CD300LF: variants seen among roughly 807,000 people sequenced by gnomAD.
CD300LF encodes the protein CMRF35-like molecule 1.
Under a neutral mutation model 32.2 loss-of-function variants are expected in CD300LF, and 27 were observed. The observed-to-expected ratio is 0.84, with a 90% CI of 0.62 to 1.15. The LOEUF (loss-of-function observed/expected upper bound fraction) is 1.15. Among genes scored for constraint, CD300LF ranks in the 50% most tolerant of loss-of-function variants. The probability of loss-of-function intolerance (pLI) is 0.00; values close to 1 mark genes in which losing one functional copy is unlikely to be tolerated. For missense variants in CD300LF, 348 were observed against 356.8 expected (o/e 0.98, Z 0.20); for synonymous variants, 139 against 143.2 (o/e 0.97, Z 0.21).
rs1168007099 is a variant in CD300LF, at chr17:74,700,466, C to T, written c.447-1985G>A. ...TTTGCTCAAGAATCACTCGACTGAGCGCGGTGGCTTACACCTGTAATCCCA... is the reference window on the plus strand; with the variant it reads ...TTTGCTCAAGAATCACTCGACTGAGTGCGGTGGCTTACACCTGTAATCCCA... On this transcript the variant is annotated intron_variant, in intron 3 of 6. Transcript: ENST00000326165. Among the ~76,000 whole-genome samples the T allele has an allele frequency of 2.0e-5, 3 of 152,146 alleles. No homozygotes were observed. The South Asian group carries it at 6.2e-4, about 32-fold the overall frequency.
chr17:74,712,812 A>T lies in CD300LF; in HGVS notation c.43+12T>A, dbSNP rs367985874. 6.2e-7 allele frequency: 1 copy of T among 1,613,926 alleles called. No individual in the cohort carries two copies. The highest frequency in any genetic ancestry group is 1.3e-5 in the African/African-American group (1 of 74,994). On this transcript the variant is annotated intron_variant, in intron 1 of 6. Coordinates refer to ENST00000326165, the MANE Select transcript of CD300LF (RefSeq NM_139018.5). ...TAAGCTTCCCCAAGAAGACAGACCC[A>T]GGCCCGCTCACCTGAGAGCCAGAAG...
chr17:74,706,641 C>T (rs758822967), intron 1 of CD300LF, among the ~76,000 whole-genome samples: 9 of 152,118 alleles, frequency 5.9e-5, no homozygotes, highest in Non-Finnish European at 1.5e-5. Flanking sequence ...GCACTCCAGC[C>T]TGGGCAACAA....
rs1019525502 is a variant in CD300LF at position 74,698,922 on chromosome 17, G to T, written c.447-441C>A. Reference sequence around the variant, plus strand: ...AAGATAGTTGTTTTTGGTTTTCTTTGTTTTTCATTTTTTTGACACAGAGTC... The same window carrying T: ...AAGATAGTTGTTTTTGGTTTTCTTTTTTTTTCATTTTTTTGACACAGAGTC... On this transcript the variant is annotated intron_variant, in intron 3 of 6. Transcript: ENST00000326165. Among the ~76,000 whole-genome samples, 6 of 152,152 alleles carry T rather than the reference G, an allele frequency of 3.9e-5. No homozygotes were observed. In the East Asian group the frequency reaches 1.2e-3, roughly 29 times the overall value.
chr17:74,708,147 CAAA>C (rs373733638), intron 1 of CD300LF, among the ~76,000 whole-genome samples: 20 of 81,294 alleles, frequency 2.5e-4, no homozygotes, highest in Middle Eastern at 5.3e-3. Flanking sequence ...GACTCCATCT[CAAA>C]AAAAAAAAAA....
chr17:74,696,108 A>G (rs557720524), intron 5 of CD300LF, 87 bp downstream of exon 5: 2 of 1,504,558 alleles, frequency 1.3e-6, no homozygotes, highest in South Asian at 2.6e-5. Context: ...GACTTCTCTG[A>G]TATTTTGGAC....
At chr17:74,695,382 T>TC (rs766660500) in intron 6 of CD300LF, 131 bp from the exon 7 acceptor site, 14 of 1,114,736 alleles carry the variant, frequency 1.3e-5, no homozygotes, top group Non-Finnish European at 1.8e-5. Context: ...CCCTCCAGCT[T>TC]CCCCCTTCAC....
At chr17:74,695,382 T>C in intron 6 of CD300LF, 131 bp from the exon 7 acceptor site, 1 of 1,114,738 alleles carries the variant, frequency 9.0e-7, no homozygotes, top group Non-Finnish European at 1.3e-6. Flanking sequence ...CCCTCCAGCT[T>C]CCCCCTTCAC....
rs1488364537 is a variant in CD300LF at position 74,695,188 on chromosome 17, G to T, written c.781C>A (p.Pro261Thr). ...AGGTGGCCCATGTTGCAGTAGGTCG[G>T]TTCCTGATCCTCAGCACCCAAGGTC... ...SLTLGAEDQE[P>T]TYCNMGHLSS... Residue 261 changes from proline to threonine, a missense_variant, in exon 7 of 7, where the codon CCG (proline) becomes ACG (threonine). Physicochemically the swap from Pro to Thr is conservative, Grantham distance 38. Coordinates refer to ENST00000326165, the MANE Select transcript of CD300LF (RefSeq NM_139018.5). 1 of 1,614,164 alleles carries T rather than the reference G, an allele frequency of 6.2e-7. No individual in the cohort carries two copies. The highest frequency in any genetic ancestry group is 1.7e-5 in the Admixed American group (1 of 60,010).
intron 1 of CD300LF, 111 bp downstream of exon 1, chr17:74,712,713 C>G: frequency 9.0e-7 from 1 of 1,112,542 alleles, no homozygotes. Flanking sequence ...ATGAAACGCA[C>G]AAGGCTCATG....
chr17:74,708,665 C>T (rs2033707412), intron 1 of CD300LF, among the ~76,000 whole-genome samples: 1 of 152,100 alleles, frequency 6.6e-6, no homozygotes, highest in Non-Finnish European at 1.5e-5. Context: ...ACCGGTAATC[C>T]CAGCATTTTG....
chr17:74,706,455 G>A (rs192371553), intron 1 of CD300LF, among the ~76,000 whole-genome samples: 1 of 151,132 alleles, frequency 6.6e-6, no homozygotes. Flanking sequence ...CCAACATGAG[G>A]TTGGGAGTTC....
chr17:74,698,854 T>G (rs1215507417), intron 3 of CD300LF, among the ~76,000 whole-genome samples: 1 of 152,208 alleles, frequency 6.6e-6, no homozygotes, highest in Non-Finnish European at 1.5e-5. Flanking sequence ...CGTGTACCCC[T>G]GAAGCTAAAA....
At chr17:74,712,117 A>G (rs1208422541) in intron 1 of CD300LF, among the ~76,000 whole-genome samples, 1 of 151,270 alleles carries the variant, frequency 6.6e-6, no homozygotes, top group Non-Finnish European at 1.5e-5. Flanking sequence ...TCCACATGTT[A>G]CCCAAGCTGG....
At chr17:74,707,133 A>G (rs773067012) in intron 1 of CD300LF, among the ~76,000 whole-genome samples, 2 of 152,186 alleles carry the variant, frequency 1.3e-5, no homozygotes, top group Non-Finnish European at 2.9e-5. Flanking sequence ...AACTAGACAA[A>G]TGGGACTCAC....
Position 74,694,401 on chromosome 17 carries a change from G to A in CD300LF, c.*695C>T, listed in dbSNP as rs929605660. The A allele has an allele frequency of 7.2e-5, 11 of 152,216 alleles. No individual in the cohort carries two copies. The highest frequency in any genetic ancestry group is 1.9e-4 in the East Asian group (1 of 5,202). The allele number at this position is 152,216 out of a possible 1,614,324, so 9.4% of individuals were successfully genotyped here. A position where few individuals can be genotyped will look rare whatever the true frequency, so the allele number is the denominator to read the frequency against. ...AGTTTCAATGGGCTCAAGTCAAGGC[G>A]TGGGCAGGGCTGGTTTCTTTTGGAG... On this transcript the variant is annotated 3_prime_UTR_variant, in exon 7 of 7. Transcript: ENST00000326165.
intron 6 of CD300LF, 55 bp from the exon 7 acceptor site, chr17:74,695,306 G>A (rs1220552977): frequency 1.9e-6 from 3 of 1,601,802 alleles, no homozygotes; most frequent in Non-Finnish European, 2.6e-6. Flanking sequence ...GACGGTCACG[G>A]GGCAGAGGAG....
At chr17:74,712,445 C>G (rs906113693) in intron 1 of CD300LF, among the ~76,000 whole-genome samples, 2 of 152,222 alleles carry the variant, frequency 1.3e-5, no homozygotes, top group African/African-American at 4.8e-5. Flanking sequence ...CACCTCTTCC[C>G]TGACGCCTGC....
chr17:74,697,986 T>C (rs1432245935), intron 4 of CD300LF, among the ~76,000 whole-genome samples: 4 of 152,170 alleles, frequency 2.6e-5, no homozygotes, highest in African/African-American at 4.8e-5. Flanking sequence ...CCCCATTCCA[T>C]GTCAGCTCAG....
chr17:74,712,477 G>A (rs1358918580), intron 1 of CD300LF, among the ~76,000 whole-genome samples: 1 of 152,078 alleles, frequency 6.6e-6, no homozygotes, highest in African/African-American at 2.4e-5. Context: ...ACACCTCCAC[G>A]CAGGTGACAG....
Sources: gnomAD v4.1 joint callset for allele counts (sites outside exome capture counted in the v4.1 genomes callset) on GRCh38, gnomAD v4.1.1 for gene constraint, MANE v1.5 for transcripts, NCBI Gene and HGNC (gene_info 2026-07-23, HGNC 2026-07-21) for gene names.